Variants in CDH4 observed in about 807,000 individuals in gnomAD.
CDH4 encodes the protein cadherin-4.
A neutral mutation model predicts 86.0 loss-of-function variants in CDH4; 33 were observed. The ratio of observed to expected loss-of-function variants is 0.38; its 90% CI spans 0.29 to 0.51. The LOEUF (loss-of-function observed/expected upper bound fraction) is 0.51, where lower values mean the gene tolerates loss of function less well. Ranked by LOEUF, CDH4 falls within the 20% of genes least tolerant of loss-of-function variation. The pLI, the probability that CDH4 is intolerant of heterozygous loss-of-function variation, is 0.86. For synonymous variants in CDH4, 555 were observed against 549.4 expected (o/e 1.01, Z -0.14); for missense variants, 1,114 against 1,307.4 (o/e 0.85, Z 2.28).
chr20:61,737,580 C>T (rs975705257), intron 2 of CDH4, among the ~76,000 whole-genome samples: 5 of 152,332 alleles, frequency 3.3e-5, no homozygotes, highest in South Asian at 2.1e-4. Context: ...GTGCGGTTCC[C>T]GGCAGACCCC....
At chr20:61,254,739 C>CT (rs1285553377) in intron 1 of CDH4, 87 bp from the exon 2 acceptor site, 3 of 896,444 alleles carry the variant, frequency 3.3e-6, no homozygotes, top group Non-Finnish European at 5.6e-6. Context: ...AGCCAGAGAC[C>CT]TTTTACACAG....
At chr20:61,784,589 C>CTGGGTAATTT (rs1978757793) in intron 4 of CDH4, among the ~76,000 whole-genome samples, 1 of 97,854 alleles carries the variant, frequency 1.0e-5, no homozygotes, top group Admixed American at 1.1e-4. Flanking sequence ...TTCCTCGGGA[C>CTGGGTAATTT]AGTTCTCCAG....
Position 61,773,194 on chromosome 20 carries a change from C to A in CDH4, c.576+12C>A. On this transcript the variant is annotated intron_variant, in intron 4 of 15. Coordinates refer to ENST00000614565, the MANE Select transcript of CDH4 (RefSeq NM_001794.5). ...AGCAGCTCGTGAGGGTGAGTGCAGACCCCTCCCGCGGGCACGGGGGTCTCG... is the reference window on the plus strand; with the variant it reads ...AGCAGCTCGTGAGGGTGAGTGCAGAACCCTCCCGCGGGCACGGGGGTCTCG... The A allele has an allele frequency of 6.5e-7, 1 of 1,528,804 alleles. No homozygotes were observed. Among genetic ancestry groups the A allele is most frequent in the South Asian group, 1.2e-5 (1 of 82,914 alleles). The allele number at this position is 1,528,804 out of a possible 1,614,324, so 94.7% of individuals were successfully genotyped here. A position where few individuals can be genotyped will look rare whatever the true frequency, so the allele number is the denominator to read the frequency against.
intron 2 of CDH4, among the ~76,000 whole-genome samples, chr20:61,534,263 T>G (rs1600735872): frequency 1.3e-5 from 2 of 152,238 alleles, no homozygotes; most frequent in African/African-American, 4.8e-5. Flanking sequence ...TTTTTTCTTG[T>G]CATGTCTCAT....
chr20:61,637,439 G>A (rs1025444512), intron 2 of CDH4, among the ~76,000 whole-genome samples: 7 of 152,174 alleles, frequency 4.6e-5, no homozygotes, highest in Non-Finnish European at 7.3e-5. Flanking sequence ...CGTTGGAGGC[G>A]CCCTTAAGAA....
rs10684748 is a variant in CDH4, at chr20:61,480,172, C to CTCA, written c.169+225237_169+225239dup. Among the ~76,000 whole-genome samples the CTCA allele has an allele frequency of 0.056, 8,578 of 151,912 alleles. 854 individuals carry two copies. The highest frequency in any genetic ancestry group is 0.2 in the African/African-American group (8,123 of 41,326). Reference sequence around the variant, plus strand: ...TATATTTTATTGATTGCTTTTTATTCTCATGGGCCCTATTTTTTCCCCAAC... The same window carrying CTCA: ...TATATTTTATTGATTGCTTTTTATTCTCATCATGGGCCCTATTTTTTCCCCAAC... On this transcript the variant is annotated intron_variant, in intron 2 of 15. Coordinates refer to ENST00000614565, the MANE Select transcript of CDH4 (RefSeq NM_001794.5). This position sits in a 1 kb window ranked among gnomAD's most constrained non-coding sequence, Gnocchi z 5.2.
intron 2 of CDH4, among the ~76,000 whole-genome samples, chr20:61,664,509 G>A (rs75246895): frequency 0.031 from 4,684 of 152,298 alleles, 92 homozygotes; most frequent in Non-Finnish European, 0.046. Context: ...TGCATCAGCC[G>A]GGCTGGGAGC....
intron 2 of CDH4, among the ~76,000 whole-genome samples, chr20:61,598,679 C>T (rs1030131008): frequency 1.3e-5 from 2 of 152,204 alleles, no homozygotes; most frequent in African/African-American, 2.4e-5. Flanking sequence ...GGGACTTTGC[C>T]GTCTGTGCCT....
chr20:61,377,198 G>A lies in CDH4; in HGVS notation c.169+122261G>A, dbSNP rs914911930. 6.6e-6 allele frequency among the ~76,000 whole-genome samples: 1 copy of A among 152,154 alleles called. No individual in the cohort carries two copies. The highest frequency in any genetic ancestry group is 2.1e-4 in the South Asian group (1 of 4,826). On this transcript the variant is annotated intron_variant, in intron 2 of 15. Transcript: ENST00000614565. The surrounding 1 kb of genome is among the most constrained non-coding windows in gnomAD (Gnocchi z 4.0). ...AAGAGTTGGCGGCTCAATCTAAAAC[G>A]GAGGAGCCTTGAAGTTTGCAGAAGT...
chr20:61,537,648 C>G (rs2086007426), intron 2 of CDH4, among the ~76,000 whole-genome samples: 1 of 152,216 alleles, frequency 6.6e-6, no homozygotes, highest in Non-Finnish European at 1.5e-5. Flanking sequence ...CAGGCACGCA[C>G]TGCCCTCCCC....
rs1283367548 is a variant in CDH4 at position 61,392,503 on chromosome 20, T to C, written c.169+137566T>C. ...ATGATATAGTCCATTGAAGTAGGGC[T>C]GGATTTATCTTATGACAGTGCTTGT... On this transcript the variant is annotated intron_variant, in intron 2 of 15. Transcript: ENST00000614565. This position sits in a 1 kb window ranked among gnomAD's most constrained non-coding sequence, Gnocchi z 5.7. Among the ~76,000 whole-genome samples the C allele has an allele frequency of 2.6e-5, 4 of 152,222 alleles. No individual in the cohort carries two copies. The highest frequency in any genetic ancestry group is 5.9e-5 in the Non-Finnish European group (4 of 68,040).
chr20:61,563,104 G>A (rs1343033765), intron 2 of CDH4, among the ~76,000 whole-genome samples: 1 of 152,192 alleles, frequency 6.6e-6, no homozygotes, highest in African/African-American at 2.4e-5. Flanking sequence ...CTGCCCAGCG[G>A]CAGCTCTGCT....
intron 2 of CDH4, among the ~76,000 whole-genome samples, chr20:61,420,977 G>A (rs747866467): frequency 5.3e-5 from 8 of 152,276 alleles, no homozygotes; most frequent in Non-Finnish European, 1.0e-4. Flanking sequence ...TTCCATGGGG[G>A]ATGATAGGAC....
chr20:61,490,518 G>T (rs1425038212), intron 2 of CDH4, among the ~76,000 whole-genome samples: 1 of 152,150 alleles, frequency 6.6e-6, no homozygotes, highest in Non-Finnish European at 1.5e-5. Context: ...GGCCAACGTG[G>T]TGAAACCCTG....
Position 61,924,560 on chromosome 20 carries a change from G to A in CDH4, c.1771+84G>A, listed in dbSNP as rs1038710990. The stretch of plus-strand genomic sequence containing the variant: ...TGGGCGAGGGAGGGTGCTGGCCAGG[G>A]AGACCCCGAGAGGCCAGCAGGCATC... On this transcript the variant is annotated intron_variant, in intron 11 of 15. Transcript: ENST00000614565. The A allele has an allele frequency of 2.1e-6, 3 of 1,454,838 alleles. No individual in the cohort carries two copies. In the African/African-American group the frequency reaches 4.2e-5, roughly 20 times the overall value. The allele number at this position is 1,454,838 out of a possible 1,614,324, so 90.1% of individuals were successfully genotyped here.
chr20:61,906,639 A>G (rs6061380), intron 8 of CDH4, among the ~76,000 whole-genome samples: 117,932 of 151,968 alleles, frequency 0.78, 49,179 homozygotes, highest in Non-Finnish European at 0.95. Flanking sequence ...GTCAGAGCCC[A>G]GCAGTGTGTG....
chr20:61,750,579 A>G (rs532597679), intron 3 of CDH4, among the ~76,000 whole-genome samples: 43 of 152,382 alleles, frequency 2.8e-4, no homozygotes, highest in African/African-American at 9.6e-4. Flanking sequence ...GATTACAAAA[A>G]GAGGAATTGC....
At chr20:61,780,329 G>A (rs1189509000) in intron 4 of CDH4, among the ~76,000 whole-genome samples, 1 of 152,132 alleles carries the variant, frequency 6.6e-6, no homozygotes, top group Non-Finnish European at 1.5e-5. Context: ...TACCTGCTCT[G>A]AGAACTCCCT....
chr20:61,910,637 A>G lies in CDH4; in HGVS notation c.1374+30A>G, dbSNP rs544783180. On this transcript the variant is annotated intron_variant, in intron 9 of 15. Transcript: ENST00000614565. The stretch of plus-strand genomic sequence containing the variant: ...GTACTCTTCTCACACCCTGCCAGGC[A>G]CCCCAAGTTCTGCCACCTGCACACT... 29 of 1,599,868 alleles carry G rather than the reference A, an allele frequency of 1.8e-5. No homozygotes were observed. In the South Asian group the frequency reaches 3.2e-4, roughly 18 times the overall value.
Sources: allele counts gnomAD v4.1 joint callset (sites outside exome capture counted in the v4.1 genomes callset), GRCh38; gene constraint gnomAD v4.1.1; non-coding constraint Gnocchi (gnomAD v3.1); transcripts MANE v1.5; gene names NCBI Gene and HGNC (gene_info 2026-07-23, HGNC 2026-07-21).